The following RBFOX1 variants were observed in gnomAD, a reference collection of about 807,000 sequenced individuals.
RBFOX1 encodes RNA binding protein fox-1 homolog 1.
Under a neutral mutation model 57.7 loss-of-function variants are expected in RBFOX1, and 8 were observed. The ratio of observed to expected loss-of-function variants is 0.14; its 90% CI spans 0.08 to 0.25. RBFOX1 has a LOEUF of 0.25. RBFOX1 is among the 10% of genes least tolerant of loss of function. RBFOX1 has a pLI of 1.00. For missense variants in RBFOX1, 611 were observed against 548.5 expected, an observed-to-expected ratio of 1.11 and a Z score of -1.14; for synonymous variants, 326 against 222.4, an observed-to-expected ratio of 1.47 and a Z score of -4.15.
chr16:5,413,779 C>G (rs1018671948), intron 1 of RBFOX1, among the ~76,000 whole-genome samples: 6 of 152,056 alleles, frequency 3.9e-5, no homozygotes, highest in African/African-American at 1.5e-4. Flanking sequence ...CGAAAAGAGT[C>G]CTAAAGGAGA....
intron 2 of RBFOX1, among the ~76,000 whole-genome samples, chr16:6,346,590 C>T (rs1185831997): frequency 2.6e-5 from 4 of 152,228 alleles, no homozygotes; most frequent in Non-Finnish European, 5.9e-5. Flanking sequence ...AGGAGTGGAG[C>T]TCTCTGAAAC....
At chr16:7,488,687 C>G (rs902930650) in intron 4 of RBFOX1, among the ~76,000 whole-genome samples, 6 of 152,186 alleles carry the variant, frequency 3.9e-5, no homozygotes, top group African/African-American at 1.4e-4. Flanking sequence ...ATCCATCTAT[C>G]TATACATTCT....
At chr16:6,295,097 G>C (rs1437691319) in intron 1 of RBFOX1, among the ~76,000 whole-genome samples, 1 of 106,542 alleles carries the variant, frequency 9.4e-6, no homozygotes, top group African/African-American at 3.5e-5. Flanking sequence ...CTTAAGCAGT[G>C]AGTTTTTTTT....
chr16:6,957,516 G>T (rs944323644), intron 3 of RBFOX1, among the ~76,000 whole-genome samples: 2 of 152,096 alleles, frequency 1.3e-5, no homozygotes, highest in Non-Finnish European at 1.5e-5. Context: ...AACTTTCACC[G>T]TGCTGGGGGG....
intron 4 of RBFOX1, among the ~76,000 whole-genome samples, chr16:7,197,264 C>T (rs2086942268): frequency 6.6e-6 from 1 of 152,078 alleles, no homozygotes; most frequent in Admixed American, 6.6e-5. Flanking sequence ...AAAACTGTGG[C>T]TCTGAGCAGC....
intron 2 of RBFOX1, among the ~76,000 whole-genome samples, chr16:6,394,696 G>A (rs1205843831): frequency 6.6e-6 from 1 of 151,270 alleles, no homozygotes; most frequent in Non-Finnish European, 1.5e-5. Flanking sequence ...ATTAGATAAT[G>A]TGTGTGTGTG....
At chr16:5,873,730 A>T (rs1435308353) in intron 4 of RBFOX1, among the ~76,000 whole-genome samples, 1 of 152,202 alleles carries the variant, frequency 6.6e-6, no homozygotes, top group Non-Finnish European at 1.5e-5. Context: ...CAATAGAGCA[A>T]AACTGTCCCC....
At chr16:6,767,923 TAATAATAATAATAATAATAATAATAAG>T (rs1211211346) in intron 3 of RBFOX1, among the ~76,000 whole-genome samples, 1 of 70,472 alleles carries the variant, frequency 1.4e-5, no homozygotes, top group Admixed American at 1.6e-4. Context: ...TCAATAATAA[TAATAATAATAATAATAATAATAATAAG>T]AAGAAGAAGA....
rs1348588614 is a variant in RBFOX1, at chr16:7,036,201, C to CG, written c.-15-15856_-15-15855insG. Among the ~76,000 whole-genome samples, 6 of 103,008 alleles carry CG rather than the reference C, an allele frequency of 5.8e-5. No individual in the cohort carries two copies. The South Asian group carries it at 3.1e-3, about 53-fold the overall frequency. The allele number at this position is 103,008 out of a possible 152,430, so 67.6% of individuals were successfully genotyped here. On this transcript the variant is annotated intron_variant, in intron 3 of 15. Coordinates refer to ENST00000550418, the MANE Select transcript of RBFOX1 (RefSeq NM_018723.4). ...TCCCATGGGACTTAGTTCACCTTGA[C>CG]ATTTTTTTTTTTTTCCATGACAGCC...
chr16:5,255,556 C>G (rs1480255590), intron 1 of RBFOX1, among the ~76,000 whole-genome samples: 2 of 151,946 alleles, frequency 1.3e-5, no homozygotes, highest in Admixed American at 1.3e-4. Context: ...AACCATCTAT[C>G]CACCCACCCG....
chr16:6,014,261 G>A (rs936141795), upstream of RBFOX1, among the ~76,000 whole-genome samples: 1 of 152,094 alleles, frequency 6.6e-6, no homozygotes, highest in East Asian at 1.9e-4. Context: ...CATTGCTTAA[G>A]GTGCTGTCTT....
chr16:5,728,378 C>A (rs1254964384), intron 3 of RBFOX1, among the ~76,000 whole-genome samples: 1 of 152,180 alleles, frequency 6.6e-6, no homozygotes, highest in Non-Finnish European at 1.5e-5. Context: ...TAAGCACGGA[C>A]TCCTGTGTGC....
At chr16:7,467,475 C>T (rs2060741943) in intron 4 of RBFOX1, among the ~76,000 whole-genome samples, 1 of 152,166 alleles carries the variant, frequency 6.6e-6, no homozygotes, top group Admixed American at 6.5e-5. Flanking sequence ...CCAGAGAGAA[C>T]ATTCAACCCT....
intron 2 of RBFOX1, among the ~76,000 whole-genome samples, chr16:6,605,217 G>T (rs1267235572): frequency 6.6e-6 from 1 of 151,900 alleles, no homozygotes; most frequent in Non-Finnish European, 1.5e-5. Flanking sequence ...GGGTGACAGA[G>T]CAAGACCCTC....
intron 3 of RBFOX1, among the ~76,000 whole-genome samples, chr16:6,709,321 G>A (rs189100997): frequency 1.3e-5 from 2 of 152,170 alleles, no homozygotes; most frequent in East Asian, 1.9e-4. Context: ...TAAATTCTCC[G>A]AGATTAATTA....
intron 4 of RBFOX1, among the ~76,000 whole-genome samples, chr16:7,290,446 C>T (rs763925763): frequency 6.6e-6 from 1 of 152,174 alleles, no homozygotes; most frequent in African/African-American, 2.4e-5. Flanking sequence ...GCTCCATGTC[C>T]TTTCGTAGTT....
chr16:7,363,319 G>A (rs761928275), intron 4 of RBFOX1, among the ~76,000 whole-genome samples: 26 of 152,128 alleles, frequency 1.7e-4, no homozygotes, highest in Non-Finnish European at 2.5e-4. Context: ...CTAACTACTT[G>A]TGTGTTACTT....
At chr16:5,433,794 C>A (rs539604426) in intron 1 of RBFOX1, among the ~76,000 whole-genome samples, 10 of 152,152 alleles carry the variant, frequency 6.6e-5, no homozygotes, top group Non-Finnish European at 1.5e-4. Flanking sequence ...TTCACCGCTG[C>A]TTCCCCAGCA....
At chr16:5,885,138 C>G (rs1176145701) in intron 4 of RBFOX1, among the ~76,000 whole-genome samples, 2 of 152,072 alleles carry the variant, frequency 1.3e-5, no homozygotes, top group African/African-American at 4.8e-5. Context: ...TTTCTCACTT[C>G]CAAGGTAAGG....
Sources: allele counts gnomAD v4.1 joint callset (sites outside exome capture counted in the v4.1 genomes callset), GRCh38; gene constraint gnomAD v4.1.1; transcripts MANE v1.5; gene names NCBI Gene and HGNC (gene_info 2026-07-23, HGNC 2026-07-21).